The following DAB1 variants were observed in gnomAD, a reference collection of about 807,000 sequenced individuals.
DAB1 encodes disabled homolog 1.
In DAB1, 15 loss-of-function variants were observed where a neutral mutation model predicts 64.6. The observed-to-expected ratio is 0.23, with a 90% CI of 0.16 to 0.36. DAB1 has a LOEUF of 0.36. Among genes scored for constraint, DAB1 ranks in the 10% least tolerant of loss-of-function variants. DAB1 has a pLI of 1.00. For synonymous variants in DAB1, 235 were observed against 251.9 expected, an observed-to-expected ratio of 0.93 and a Z score of 0.64; for missense variants, 596 against 706.7, an observed-to-expected ratio of 0.84 and a Z score of 1.78.
intron 9 of DAB1, among the ~76,000 whole-genome samples, chr1:57,043,596 C>T (rs1648074873): frequency 6.6e-6 from 1 of 152,202 alleles, no homozygotes; most frequent in African/African-American, 2.4e-5. Flanking sequence ...CCTGTAATCC[C>T]AGCACTTTGG....
chr1:57,832,522 G>C (rs1032392019), intron 1 of DAB1, among the ~76,000 whole-genome samples: 1 of 152,218 alleles, frequency 6.6e-6, no homozygotes, highest in African/African-American at 2.4e-5. Flanking sequence ...CTCCATTGCT[G>C]TGAGATTTTT....
chr1:57,253,656 G>T (rs1481366786), intron 2 of DAB1, among the ~76,000 whole-genome samples: 1 of 152,134 alleles, frequency 6.6e-6, no homozygotes, highest in Non-Finnish European at 1.5e-5. Flanking sequence ...TAGAAAGTCC[G>T]ATAAGTTAGC....
chr1:57,175,110 T>C (rs1166928981), intron 2 of DAB1, among the ~76,000 whole-genome samples: 1 of 152,100 alleles, frequency 6.6e-6, no homozygotes, highest in Non-Finnish European at 1.5e-5. Context: ...AAATCAAAAC[T>C]GGAAATCAAA....
rs547960964 is a variant in DAB1 at position 57,929,569 on chromosome 1, C to T, written n.388-45407G>A. On this transcript the variant is annotated intron_variant and non_coding_transcript_variant, in intron 5 of 20. Coordinates refer to the DAB1 transcript ENST00000485760. Reference sequence around the variant, plus strand: ...TGTTATCTTCTAGGAGTGTATTGGTCTGTTTTATGTTGCTATAAAGGAATA... The same window carrying T: ...TGTTATCTTCTAGGAGTGTATTGGTTTGTTTTATGTTGCTATAAAGGAATA... 2.0e-5 allele frequency among the ~76,000 whole-genome samples: 3 copies of T among 152,214 alleles called. No individual in the cohort carries two copies. In the South Asian group the frequency reaches 6.2e-4, roughly 32 times the overall value.
intron 4 of DAB1, among the ~76,000 whole-genome samples, chr1:58,232,162 G>A (rs866503050): frequency 6.6e-6 from 1 of 152,138 alleles, no homozygotes; most frequent in Non-Finnish European, 1.5e-5. Flanking sequence ...CAAAATACCT[G>A]ACAGGTCTAC....
chr1:57,540,841 G>A (rs945123492), intron 7 of DAB1, among the ~76,000 whole-genome samples: 3 of 152,178 alleles, frequency 2.0e-5, no homozygotes, highest in Admixed American at 6.5e-5. Context: ...TAGGGGGAAT[G>A]AAGAGAGGTG....
intron 1 of DAB1, among the ~76,000 whole-genome samples, chr1:57,870,881 G>C (rs1261227506): frequency 6.6e-6 from 1 of 152,138 alleles, no homozygotes; most frequent in Non-Finnish European, 1.5e-5. Flanking sequence ...AAAAGAGGGT[G>C]ATCCTGATAA....
At chr1:58,300,645 AGAGGAAGGAAGGAAGG>A (rs1662140000) in intron 4 of DAB1, among the ~76,000 whole-genome samples, 10 of 55,806 alleles carry the variant, frequency 1.8e-4, no homozygotes, top group Admixed American at 5.3e-4. Flanking sequence ...AGAGAGAGAG[AGAGGAAGGAAGGAAGG>A]AAGGAAGGAA....
chr1:58,207,239 T>C (rs915534041), intron 4 of DAB1, among the ~76,000 whole-genome samples: 1 of 152,118 alleles, frequency 6.6e-6, no homozygotes, highest in Non-Finnish European at 1.5e-5. Context: ...AAACACTAAG[T>C]TTTGGAGTGG....
At chr1:58,482,828 C>A (rs1645512504) in intron 3 of DAB1, among the ~76,000 whole-genome samples, 1 of 151,988 alleles carries the variant, frequency 6.6e-6, no homozygotes, top group Admixed American at 6.6e-5. Flanking sequence ...GCAGGTACAG[C>A]CGAGTGGAGC....
At chr1:57,900,728 T>C (rs528498788) in intron 5 of DAB1, among the ~76,000 whole-genome samples, 2 of 152,322 alleles carry the variant, frequency 1.3e-5, no homozygotes, top group South Asian at 2.1e-4. Flanking sequence ...ATGGGTCCCC[T>C]TGATGATAAT....
At chr1:57,537,486 A>AGTTTT (rs1205638727) in intron 7 of DAB1, among the ~76,000 whole-genome samples, 2 of 152,136 alleles carry the variant, frequency 1.3e-5, no homozygotes, top group African/African-American at 2.4e-5. Context: ...TCGCCTGGAT[A>AGTTTT]GTTTTGTTTT....
At position 57,499,758 on chromosome 1, in the gene DAB1, G is replaced by C. The variant is rs2805880; in HGVS notation, n.625+149834C>G. 8.0e-3 allele frequency among the ~76,000 whole-genome samples: 1,219 copies of C among 152,304 alleles called. 20 individuals carry two copies. The highest frequency in any genetic ancestry group is 0.024 in the African/African-American group (1,012 of 41,566). On this transcript the variant is annotated intron_variant and non_coding_transcript_variant, in intron 7 of 20. Coordinates refer to the DAB1 transcript ENST00000485760. Reference sequence around the variant, plus strand: ...CCTTATGATTACTGGCTGCATGAAAGATATTTCCTCTTTCATTCATTCTTA... The same window carrying C: ...CCTTATGATTACTGGCTGCATGAAACATATTTCCTCTTTCATTCATTCTTA...
intron 5 of DAB1, among the ~76,000 whole-genome samples, chr1:58,107,870 G>T (rs1557653211): frequency 6.6e-6 from 1 of 152,034 alleles, no homozygotes; most frequent in Admixed American, 6.6e-5. Flanking sequence ...ACCCACCTTG[G>T]CCTCTCAAAG....
intron 4 of DAB1, among the ~76,000 whole-genome samples, chr1:58,275,346 T>C (rs1382207620): frequency 2.6e-5 from 4 of 152,102 alleles, no homozygotes; most frequent in Admixed American, 6.5e-5. Context: ...ACATCAAAAT[T>C]AAAACTTCTT....
At chr1:58,375,072 G>T (rs1476065691) in intron 3 of DAB1, among the ~76,000 whole-genome samples, 3 of 142,526 alleles carry the variant, frequency 2.1e-5, no homozygotes, top group Non-Finnish European at 4.6e-5. Context: ...AGCTTAAGGA[G>T]ATTTTGGGCT....
chr1:58,307,082 A>G (rs1024567155), intron 4 of DAB1, among the ~76,000 whole-genome samples: 1 of 152,144 alleles, frequency 6.6e-6, no homozygotes, highest in African/African-American at 2.4e-5. Flanking sequence ...TGTTTTCTCT[A>G]CTCTACAAGG....
chr1:58,471,633 G>A (rs987044863), intron 3 of DAB1, among the ~76,000 whole-genome samples: 1 of 152,164 alleles, frequency 6.6e-6, no homozygotes, highest in African/African-American at 2.4e-5. Flanking sequence ...CCCAGTGAGA[G>A]GTGATTGGAT....
At chr1:57,651,887 G>A (rs1447268253) in intron 6 of DAB1, among the ~76,000 whole-genome samples, 1 of 152,200 alleles carries the variant, frequency 6.6e-6, no homozygotes, top group African/African-American at 2.4e-5. Context: ...AATTACGGCA[G>A]TGAGGGTGAT....
Sources: gnomAD v4.1 joint callset for allele counts (sites outside exome capture counted in the v4.1 genomes callset) on GRCh38, gnomAD v4.1.1 for gene constraint, MANE v1.5 for transcripts, NCBI Gene and HGNC (gene_info 2026-07-23, HGNC 2026-07-21) for gene names.